The following COL26A1 variants were observed in gnomAD, a reference collection of about 807,000 sequenced individuals.
The protein encoded by COL26A1 is collagen alpha-1(XXVI) chain.
COL26A1 carries 41 observed loss-of-function variants against 59.3 expected under a neutral mutation model. The observed-to-expected ratio is 0.69, with a 90% CI of 0.54 to 0.90. The LOEUF (loss-of-function observed/expected upper bound fraction) is 0.90, where lower values mean the gene tolerates loss of function less well. Ranked by LOEUF, COL26A1 falls within the 40% of genes least tolerant of loss-of-function variation. COL26A1 has a pLI of 0.00. For synonymous variants in COL26A1, 266 were observed against 256.0 expected, an observed-to-expected ratio of 1.04 and a Z score of -0.37; for missense variants, 612 against 602.3, an observed-to-expected ratio of 1.02 and a Z score of -0.17.
chr7:101,556,067 T>TC (rs1361893639), intron 12 of COL26A1, among the ~76,000 whole-genome samples, 196 bp downstream of exon 12: 5 of 152,048 alleles, frequency 3.3e-5, no homozygotes, highest in Admixed American at 6.6e-5. Context: ...CAGCCCAGTT[T>TC]CCCAGCCCCT....
At chr7:101,464,825 C>T (rs1408368362) in intron 3 of COL26A1, among the ~76,000 whole-genome samples, 1 of 152,108 alleles carries the variant, frequency 6.6e-6, no homozygotes, top group East Asian at 1.9e-4. Context: ...AATCCTCCCA[C>T]CTCAGCTTCC....
chr7:101,461,996 C>CTT (rs531100830), intron 3 of COL26A1, among the ~76,000 whole-genome samples: 3,017 of 117,852 alleles, frequency 0.026, 67 homozygotes, highest in South Asian at 0.041. Context: ...CCACGGAGCA[C>CTT]TTTTTTTTTT....
chr7:101,521,586 G>T (rs1234623542), intron 3 of COL26A1, among the ~76,000 whole-genome samples: 3 of 152,092 alleles, frequency 2.0e-5, no homozygotes, highest in African/African-American at 7.2e-5. Flanking sequence ...GCTTAGGAGA[G>T]CAAGAGGTGC....
intron 5 of COL26A1, among the ~76,000 whole-genome samples, chr7:101,541,162 C>A (rs1562797064): frequency 6.6e-6 from 1 of 152,120 alleles, no homozygotes; most frequent in Non-Finnish European, 1.5e-5. Flanking sequence ...TGCTCCTTGG[C>A]TTCTGCACTT....
intron 2 of COL26A1, among the ~76,000 whole-genome samples, chr7:101,423,650 G>A (rs910252262): frequency 3.3e-5 from 5 of 152,034 alleles, no homozygotes; most frequent in African/African-American, 1.2e-4. Context: ...GAGGAGAATT[G>A]CTTGAACCTG....
intron 3 of COL26A1, among the ~76,000 whole-genome samples, chr7:101,522,486 A>G (rs12532583): frequency 0.27 from 41,032 of 152,092 alleles, 5,706 homozygotes; most frequent in Middle Eastern, 0.35. Flanking sequence ...CTTCCTCACC[A>G]TGTTTGGGAA....
intron 1 of COL26A1, among the ~76,000 whole-genome samples, chr7:101,418,522 G>A (rs1792432036): frequency 6.6e-6 from 1 of 152,112 alleles, no homozygotes; most frequent in Admixed American, 6.6e-5. Flanking sequence ...AGGCTAGAGT[G>A]CAGTGGCATG....
At chr7:101,547,692 C>T (rs1205586611) in intron 8 of COL26A1, among the ~76,000 whole-genome samples, 1 of 152,228 alleles carries the variant, frequency 6.6e-6, no homozygotes, top group Non-Finnish European at 1.5e-5. Flanking sequence ...CCTTTCTGCC[C>T]GGGAAGGGAG....
intron 3 of COL26A1, among the ~76,000 whole-genome samples, chr7:101,508,516 T>C (rs1794857966): frequency 1.3e-5 from 1 of 77,532 alleles, no homozygotes; most frequent in Admixed American, 1.1e-4. Flanking sequence ...TAAAACCCTG[T>C]CAAAAAAAAA....
At chr7:101,524,738 G>C (rs1187682732) in intron 3 of COL26A1, among the ~76,000 whole-genome samples, 1 of 152,054 alleles carries the variant, frequency 6.6e-6, no homozygotes, top group African/African-American at 2.4e-5. Context: ...GCTTGTCGTA[G>C]GTAGGAATAT....
In COL26A1 at chr7:101,415,157, C is replaced by CTTTT. The variant is rs768628869; in HGVS notation, c.159-4812_159-4809dup. On this transcript the variant is annotated intron_variant, in intron 1 of 12. Coordinates refer to ENST00000313669, the MANE Select transcript of COL26A1 (RefSeq NM_001278563.3). Reference sequence around the variant, plus strand: ...TTTAGTCCTGATCATAACCCCCCCCCTTTTTTTTTTTGAGACGGAGTCTCT... The same window carrying CTTTT: ...TTTAGTCCTGATCATAACCCCCCCCCTTTTTTTTTTTTTTTGAGACGGAGTCTCT... Among the ~76,000 whole-genome samples the CTTTT allele has an allele frequency of 2.7e-3, 400 of 147,284 alleles. 4 individuals are homozygous for CTTTT. The highest frequency in any genetic ancestry group is 4.2e-3 in the Admixed American group (62 of 14,732).
At chr7:101,370,760 G>T (rs1791172539) in intron 1 of COL26A1, among the ~76,000 whole-genome samples, 1 of 152,102 alleles carries the variant, frequency 6.6e-6, no homozygotes, top group Non-Finnish European at 1.5e-5. Context: ...AAAGTGCTTG[G>T]TGTGTCCCCT....
intron 3 of COL26A1, among the ~76,000 whole-genome samples, chr7:101,528,685 C>T (rs1562790601): frequency 6.6e-6 from 1 of 151,980 alleles, no homozygotes; most frequent in Non-Finnish European, 1.5e-5. Flanking sequence ...GTAGCTGAGA[C>T]TACTGGCACG....
At chr7:101,424,167 C>T (rs1792587956) in intron 2 of COL26A1, among the ~76,000 whole-genome samples, 1 of 152,122 alleles carries the variant, frequency 6.6e-6, no homozygotes, top group Non-Finnish European at 1.5e-5. Context: ...TGCCACTGTA[C>T]TCCAGCCTGG....
At chr7:101,437,408 A>C (rs1370920440) in intron 2 of COL26A1, among the ~76,000 whole-genome samples, 1 of 139,850 alleles carries the variant, frequency 7.2e-6, no homozygotes, top group African/African-American at 2.7e-5. Flanking sequence ...CGGAGTTCCG[A>C]ATGGGGGCGG....
At chr7:101,493,796 G>A (rs1410864137) in intron 3 of COL26A1, among the ~76,000 whole-genome samples, 1 of 150,560 alleles carries the variant, frequency 6.6e-6, no homozygotes, top group Non-Finnish European at 1.5e-5. Flanking sequence ...AGCCGGGCGT[G>A]GTGGCGGGCG....
chr7:101,515,154 A>G (rs1470397516), intron 3 of COL26A1, among the ~76,000 whole-genome samples: 1 of 152,156 alleles, frequency 6.6e-6, no homozygotes, highest in Admixed American at 6.6e-5. Flanking sequence ...AAGAGCCCCA[A>G]TTTAGTAGCC....
At chr7:101,488,541 A>G (rs1243951125) in intron 3 of COL26A1, among the ~76,000 whole-genome samples, 1 of 150,682 alleles carries the variant, frequency 6.6e-6, no homozygotes, top group Non-Finnish European at 1.5e-5. Flanking sequence ...ACGCCCGGCT[A>G]TTTTTTGTAT....
intron 1 of COL26A1, among the ~76,000 whole-genome samples, chr7:101,365,963 A>G (rs1240992714): frequency 6.6e-6 from 1 of 152,148 alleles, no homozygotes; most frequent in Non-Finnish European, 1.5e-5. Flanking sequence ...CTTGGAAGGG[A>G]TCATTTTAGC....
Sources: allele counts gnomAD v4.1 joint callset (sites outside exome capture counted in the v4.1 genomes callset), GRCh38; gene constraint gnomAD v4.1.1; transcripts MANE v1.5; gene names NCBI Gene and HGNC (gene_info 2026-07-23, HGNC 2026-07-21).